The following LGMN variants were observed in gnomAD, a reference collection of about 807,000 sequenced individuals.
The protein encoded by LGMN is asparaginyl endopeptidase.
In LGMN, 36 loss-of-function variants were observed where a neutral mutation model predicts 56.8. The ratio of observed to expected loss-of-function variants is 0.63; its 90% CI spans 0.49 to 0.84. LGMN has a LOEUF of 0.84. Among genes scored for constraint, LGMN ranks in the 40% least tolerant of loss-of-function variants. The pLI is 0.00. For missense variants in LGMN, 446 were observed against 556.1 expected, an observed-to-expected ratio of 0.80 and a Z score of 1.99; for synonymous variants, 199 against 210.1, an observed-to-expected ratio of 0.95 and a Z score of 0.46.
chr14:92,722,174 A>ATT (rs534402099), intron 2 of LGMN, among the ~76,000 whole-genome samples: 2 of 146,260 alleles, frequency 1.4e-5, no homozygotes, highest in African/African-American at 5.0e-5. Context: ...TACTAGTATA[A>ATT]TTTTTTTTTT....
At position 92,712,683 on chromosome 14, in the gene LGMN, A is replaced by G. The variant is rs1889842498; in HGVS notation, c.610+122T>C. 6 of 838,740 alleles carry G rather than the reference A, an allele frequency of 7.2e-6. No homozygotes were observed. In the Admixed American group the frequency reaches 1.0e-4, roughly 15 times the overall value. The allele number at this position is 838,740 out of a possible 1,614,324, so 52.0% of individuals were successfully genotyped here. A position where few individuals can be genotyped will look rare whatever the true frequency, so the allele number is the denominator to read the frequency against. Reference sequence around the variant, plus strand: ...CAGAGCTACCTGCAAGTATCTCCCCACTTCTATGGCCCAGGCTGCCCTCAG... The same window carrying G: ...CAGAGCTACCTGCAAGTATCTCCCCGCTTCTATGGCCCAGGCTGCCCTCAG... On this transcript the variant is annotated intron_variant, in intron 8 of 13. Transcript: ENST00000334869.
At chr14:92,715,366 C>T (rs1426499535) in intron 5 of LGMN, among the ~76,000 whole-genome samples, 2 of 152,170 alleles carry the variant, frequency 1.3e-5, no homozygotes, top group African/African-American at 2.4e-5. Context: ...CAGGTGCATG[C>T]CACCACGCCT....
At chr14:92,748,019 T>C (rs1891893902) in intron 1 of LGMN, among the ~76,000 whole-genome samples, 1 of 152,134 alleles carries the variant, frequency 6.6e-6, no homozygotes, top group African/African-American at 2.4e-5. Flanking sequence ...TCTAAATAGA[T>C]GTCTTTATAA....
At chr14:92,733,710 G>C (rs1891166232) in intron 1 of LGMN, 1 of 152,252 alleles carries the variant, frequency 6.6e-6, no homozygotes, top group Non-Finnish European at 1.5e-5. Context: ...GGGAGGCTGA[G>C]GCAGGAGAAT....
chr14:92,746,111 GCGC>G (rs1566940227), intron 1 of LGMN, among the ~76,000 whole-genome samples: 2 of 152,058 alleles, frequency 1.3e-5, no homozygotes, highest in African/African-American at 4.8e-5. Context: ...ACGAGCCACC[GCGC>G]CCAGCGAGAA....
In LGMN at chr14:92,706,281, T is replaced by C. The variant is rs556863307; in HGVS notation, c.1191+202A>G. 621 of 433,238 alleles carry C rather than the reference T, an allele frequency of 1.4e-3. 3 individuals are homozygous for C. Among genetic ancestry groups the C allele is most frequent in the African/African-American group, 0.011 (537 of 50,342 alleles). The allele number at this position is 433,238 out of a possible 1,614,324, so 26.8% of individuals were successfully genotyped here. On this transcript the variant is annotated intron_variant, in intron 12 of 13. Transcript: ENST00000334869. Reference sequence around the variant, plus strand: ...CATCTATGGCTCTGGTAAACTCTCCTACCCACTGGGACAAGAAGAGTGTTC... The same window carrying C: ...CATCTATGGCTCTGGTAAACTCTCCCACCCACTGGGACAAGAAGAGTGTTC...
rs781128143 is a variant in LGMN at position 92,717,363 on chromosome 14, C to T, written c.318+17G>A. 1.3e-6 allele frequency: 2 copies of T among 1,505,718 alleles called. No individual in the cohort carries two copies. The highest frequency in any genetic ancestry group is 1.2e-5 in the South Asian group (1 of 81,054). The allele number at this position is 1,505,718 out of a possible 1,614,324, so 93.3% of individuals were successfully genotyped here. ...TGAAAACTAAACCAGCTGGCTCCAACCGTAGAAGCCACTCACCTCTCCAGT... is the reference window on the plus strand; with the variant it reads ...TGAAAACTAAACCAGCTGGCTCCAATCGTAGAAGCCACTCACCTCTCCAGT... On this transcript the variant is annotated intron_variant, in intron 4 of 13. Transcript: ENST00000334869.
chr14:92,718,697 T>C (rs1890196175), intron 3 of LGMN, 50 bp downstream of exon 3: 1 of 1,267,040 alleles, frequency 7.9e-7, no homozygotes, highest in South Asian at 1.2e-5. Flanking sequence ...GACCTTTTTT[T>C]AAATACCCTG....
intron 1 of LGMN, among the ~76,000 whole-genome samples, chr14:92,742,306 C>T (rs7401328): frequency 0.73 from 67,587 of 92,228 alleles, 22,409 homozygotes; most frequent in South Asian, 0.81. Context: ...TTTTTTTTTT[C>T]TTTTTTTTTG....
chr14:92,711,506 C>T (rs1889767040), intron 10 of LGMN, among the ~76,000 whole-genome samples, 153 bp downstream of exon 10: 1 of 152,194 alleles, frequency 6.6e-6, no homozygotes, highest in African/African-American at 2.4e-5. Context: ...GCCCACAGGT[C>T]CCCAGGATGG....
intron 2 of LGMN, chr14:92,732,307 C>T: frequency 4.0e-6 from 1 of 251,554 alleles, no homozygotes; most frequent in South Asian, 5.3e-5. Context: ...GCTGCTAAAC[C>T]TCAAATGCAC....
rs752670103 is a variant in LGMN at position 92,709,768 on chromosome 14, A to G, written c.924T>C (p.Pro308=). The stretch of plus-strand genomic sequence containing the variant: ...TTTTCATGATGGTGAGAGGCACATC[A>G]GGGCTGGGGGTGAGGTCAAGGTGTG... ...PVTHLDLTPS[P]DVPLTIMKRK... is the part of the protein sequence containing the mutation. Residue 308 remains proline, a synonymous_variant, in exon 11 of 14, where the codon CCT becomes CCC. Coordinates refer to ENST00000334869, the MANE Select transcript of LGMN (RefSeq NM_005606.7). 1.2e-6 allele frequency: 2 copies of G among 1,614,080 alleles called. No individual in the cohort carries two copies. Among genetic ancestry groups the G allele is most frequent in the Non-Finnish European group, 1.7e-6 (2 of 1,179,982 alleles).
chr14:92,739,053 T>C (rs894878665), intron 1 of LGMN, among the ~76,000 whole-genome samples: 7 of 149,018 alleles, frequency 4.7e-5, no homozygotes, highest in African/African-American at 1.7e-4. Context: ...CCACATACAC[T>C]AACACTATTT....
At chr14:92,719,272 G>GCCGCCGCCA (rs1566924338) in intron 2 of LGMN, among the ~76,000 whole-genome samples, 1 of 16,632 alleles carries the variant, frequency 6.0e-5, no homozygotes, top group African/African-American at 2.2e-4. Flanking sequence ...CACCGCCGCC[G>GCCGCCGCCA]CCGCCACCGC....
rs1375851491 is a variant in LGMN at position 92,704,154 on chromosome 14, A to G, written c.*165T>C. ...AGAAAAGACTGGGGAAGCAGGTAAC[A>G]GCGAGCAAGTCATCTTGTGAAGAAG... On this transcript the variant is annotated 3_prime_UTR_variant, in exon 14 of 14. Transcript: ENST00000334869. 1 of 813,956 alleles carries G rather than the reference A, an allele frequency of 1.2e-6. No individual in the cohort carries two copies. Among genetic ancestry groups the G allele is most frequent in the Non-Finnish European group, 2.1e-6 (1 of 470,778 alleles). 50.4% of individuals were successfully genotyped at this position (813,956 alleles called of 1,614,324 possible).
At chr14:92,705,975 C>T (rs1393791721) in intron 12 of LGMN, among the ~76,000 whole-genome samples, 2 of 152,180 alleles carry the variant, frequency 1.3e-5, no homozygotes, top group Non-Finnish European at 1.5e-5. Flanking sequence ...AGAAACAGAC[C>T]TGTAGGCCAG....
Position 92,711,711 on chromosome 14 carries a change from T to C in LGMN, c.767A>G (p.His256Arg). The C allele has an allele frequency of 6.2e-7, 1 of 1,614,224 alleles. No homozygotes were observed. The highest frequency in any genetic ancestry group is 8.5e-7 in the Non-Finnish European group (1 of 1,180,028). ...GGTGTTGGTGTGCGATTTTACCAGG[T>C]GGTACTGCTTGTGCAGGGTCTCTTT... is the stretch of plus-strand genomic sequence containing the variant. Reference protein sequence around the residue: ...LTKETLHKQYHLVKSHTNTSH... With the variant: ...LTKETLHKQYRLVKSHTNTSH... Residue 256 changes from histidine to arginine, a missense_variant, in exon 10 of 14, where the codon CAC (histidine) becomes CGC (arginine). His to Arg is a conservative substitution (Grantham distance 29). Coordinates refer to ENST00000334869, the MANE Select transcript of LGMN (RefSeq NM_005606.7).
Position 92,712,842 on chromosome 14 carries a change from A to C in LGMN, c.573T>G (p.Ser191=). The C allele has an allele frequency of 2.5e-6, 4 of 1,614,028 alleles. No individual in the cohort carries two copies. The highest frequency in any genetic ancestry group is 3.4e-6 in the Non-Finnish European group (4 of 1,179,978). ...CCGGCAGGTGGTTCATCATGGACCC[A>C]GACTCACAGGCTTCAATGTAGAACA... ...KMVFYIEACE[S]GSMMNHLPDN... Residue 191 remains serine, a synonymous_variant, in exon 8 of 14, where the codon TCT becomes TCG. Transcript: ENST00000334869.
intron 1 of LGMN, among the ~76,000 whole-genome samples, chr14:92,746,478 T>G (rs1190581032): frequency 3.9e-5 from 6 of 152,212 alleles, no homozygotes; most frequent in Non-Finnish European, 5.9e-5. Flanking sequence ...GTATGGTGTA[T>G]TCTACCTCCT....
Sources: allele counts gnomAD v4.1 joint callset (sites outside exome capture counted in the v4.1 genomes callset), GRCh38; gene constraint gnomAD v4.1.1; transcripts MANE v1.5; gene names NCBI Gene and HGNC (gene_info 2026-07-23, HGNC 2026-07-21).